The following EPHA6 variants were observed in gnomAD, a reference collection of about 807,000 sequenced individuals.
EPHA6 encodes the protein ephrin type-A receptor 6.
A neutral mutation model predicts 112.0 loss-of-function variants in EPHA6; 50 were observed. The ratio of observed to expected loss-of-function variants is 0.45; its 90% CI spans 0.36 to 0.56. EPHA6 has a LOEUF of 0.56. EPHA6 is among the 20% of genes least tolerant of loss of function. The probability of loss-of-function intolerance (pLI) is 0.00; values close to 1 mark genes in which losing one functional copy is unlikely to be tolerated. For synonymous variants in EPHA6, 529 were observed against 490.7 expected (o/e 1.08, Z -1.03); for missense variants, 1,280 against 1,417.4 (o/e 0.90, Z 1.56).
intron 3 of EPHA6, among the ~76,000 whole-genome samples, chr3:96,988,865 A>AT (rs960167958): frequency 6.6e-6 from 1 of 152,102 alleles, no homozygotes; most frequent in Non-Finnish European, 1.5e-5. Flanking sequence ...GTGATGAAAC[A>AT]TTTTTCACTT....
Position 97,448,594 on chromosome 3 carries a change from CA to C in EPHA6, c.1759del (p.Thr587GlnfsTer25). 1 of 1,613,378 alleles carries C rather than the reference CA, an allele frequency of 6.2e-7. No individual in the cohort carries two copies. The highest frequency in any genetic ancestry group is 8.5e-7 in the Non-Finnish European group (1 of 1,179,504). ...KEHEQLTYSS[T>X]RSKAPSVIIT... Reference sequence around the variant, plus strand: ...AACATGAGCAGCTGACCTACTCTTCCACAAGGTCCAAAGCCCCCAGTGTCAT... The same window carrying C: ...AACATGAGCAGCTGACCTACTCTTCCCAAGGTCCAAAGCCCCCAGTGTCAT... On this transcript the variant is annotated frameshift_variant, in exon 7 of 18. Coordinates refer to ENST00000389672, the MANE Select transcript of EPHA6 (RefSeq NM_001080448.3). LOFTEE classifies it high-confidence loss of function.
At chr3:97,326,771 G>A (rs2082447602) in intron 5 of EPHA6, among the ~76,000 whole-genome samples, 1 of 152,034 alleles carries the variant, frequency 6.6e-6, no homozygotes, top group African/African-American at 2.4e-5. Context: ...CTGAACTGCT[G>A]GAATAGTAGA....
At chr3:97,516,448 C>G (rs1327902155) in intron 10 of EPHA6, among the ~76,000 whole-genome samples, 1 of 152,148 alleles carries the variant, frequency 6.6e-6, no homozygotes, top group Non-Finnish European at 1.5e-5. Context: ...AAAATGTTCA[C>G]TTTCATATGT....
At chr3:97,377,596 A>ACTTGTTAAATTCT (rs1304280739) in intron 5 of EPHA6, among the ~76,000 whole-genome samples, 1 of 152,188 alleles carries the variant, frequency 6.6e-6, no homozygotes, top group Non-Finnish European at 1.5e-5. Flanking sequence ...CTTCCTAGAG[A>ACTTGTTAAATTCT]CTTGTTAAAT....
At chr3:97,429,880 A>G (rs1434999979) in intron 6 of EPHA6, among the ~76,000 whole-genome samples, 1 of 152,148 alleles carries the variant, frequency 6.6e-6, no homozygotes, top group Admixed American at 6.6e-5. Context: ...CCTATTTGAT[A>G]AGGGTATACC....
chr3:97,373,853 T>C (rs2085203289), intron 5 of EPHA6, among the ~76,000 whole-genome samples: 1 of 152,170 alleles, frequency 6.6e-6, no homozygotes. Flanking sequence ...AAATTTCATT[T>C]GGTTTGATAT....
intron 2 of EPHA6, among the ~76,000 whole-genome samples, chr3:96,893,806 CCTGT>C (rs550696425): frequency 8.3e-4 from 127 of 152,102 alleles, no homozygotes; most frequent in Non-Finnish European, 1.2e-3. Flanking sequence ...AAAGGTTTGA[CCTGT>C]CTATGATGCT....
chr3:96,954,040 T>C (rs1407816226), intron 2 of EPHA6, among the ~76,000 whole-genome samples: 1 of 151,770 alleles, frequency 6.6e-6, no homozygotes, highest in African/African-American at 2.4e-5. Flanking sequence ...ACCTGGCTTA[T>C]TTTTTTTGTT....
chr3:97,423,784 A>C (rs1455977909), intron 6 of EPHA6, among the ~76,000 whole-genome samples: 3 of 152,216 alleles, frequency 2.0e-5, no homozygotes, highest in Non-Finnish European at 4.4e-5. Flanking sequence ...TAACCAAAAC[A>C]GCATGGTACA....
At chr3:97,172,218 T>A (rs2076722800) in intron 3 of EPHA6, among the ~76,000 whole-genome samples, 1 of 152,070 alleles carries the variant, frequency 6.6e-6, no homozygotes, top group Non-Finnish European at 1.5e-5. Flanking sequence ...AGATGTGAAA[T>A]ATGTAGAAAT....
intron 3 of EPHA6, among the ~76,000 whole-genome samples, chr3:97,166,362 G>GT (rs200784220): frequency 3.4e-5 from 5 of 147,498 alleles, no homozygotes; most frequent in African/African-American, 7.5e-5. Flanking sequence ...GTATGTACTT[G>GT]TTTTTAAAAA....
intron 7 of EPHA6, among the ~76,000 whole-genome samples, chr3:97,456,565 A>C (rs1173546631): frequency 1.3e-5 from 2 of 152,118 alleles, no homozygotes; most frequent in African/African-American, 4.8e-5. Flanking sequence ...AAACACATGT[A>C]TTTTATTAGT....
chr3:97,659,689 G>A (rs2094157848), intron 14 of EPHA6, among the ~76,000 whole-genome samples: 1 of 151,964 alleles, frequency 6.6e-6, no homozygotes, highest in Non-Finnish European at 1.5e-5. Context: ...ATTTTCTTTT[G>A]TATTGGGAAA....
At chr3:97,280,737 T>C (rs1559848888) in intron 5 of EPHA6, among the ~76,000 whole-genome samples, 1 of 152,184 alleles carries the variant, frequency 6.6e-6, no homozygotes, top group Non-Finnish European at 1.5e-5. Context: ...AGGTTCTGAA[T>C]TTCATATATT....
intron 5 of EPHA6, among the ~76,000 whole-genome samples, chr3:97,315,784 C>T (rs1158389800): frequency 1.3e-5 from 2 of 151,742 alleles, no homozygotes; most frequent in Non-Finnish European, 2.9e-5. Context: ...ATTACCATTT[C>T]ACAGATTTGG....
chr3:96,831,514 T>C (rs2034077700), intron 1 of EPHA6, among the ~76,000 whole-genome samples: 1 of 151,614 alleles, frequency 6.6e-6, no homozygotes, highest in Non-Finnish European at 1.5e-5. Context: ...TTTGTGATTG[T>C]TCATTTTTTT....
chr3:97,501,539 A>T (rs979328497), intron 10 of EPHA6, among the ~76,000 whole-genome samples: 2 of 152,036 alleles, frequency 1.3e-5, no homozygotes, highest in Non-Finnish European at 2.9e-5. Flanking sequence ...AAAATATTTT[A>T]AAATAACACA....
intron 3 of EPHA6, among the ~76,000 whole-genome samples, chr3:97,019,004 C>A (rs541197532): frequency 6.6e-6 from 1 of 152,166 alleles, no homozygotes; most frequent in Non-Finnish European, 1.5e-5. Flanking sequence ...CTCACTATGT[C>A]CCCTCAGCTC....
chr3:97,675,161 T>C (rs746772816), intron 14 of EPHA6, among the ~76,000 whole-genome samples: 2 of 152,092 alleles, frequency 1.3e-5, no homozygotes, highest in African/African-American at 2.4e-5. Flanking sequence ...CATGCAGAAC[T>C]TGAATGAAGA....
Sources: gnomAD v4.1 joint callset for allele counts (sites outside exome capture counted in the v4.1 genomes callset) on GRCh38, gnomAD v4.1.1 for gene constraint, MANE v1.5 for transcripts, NCBI Gene and HGNC (gene_info 2026-07-23, HGNC 2026-07-21) for gene names.